The following GLIS3 variants were observed in gnomAD, a reference collection of about 807,000 sequenced individuals.
GLIS3 encodes the protein zinc finger protein GLIS3.
GLIS3 carries 53 observed loss-of-function variants against 78.6 expected under a neutral mutation model. That is an observed-to-expected ratio of 0.67 (90% CI 0.54 to 0.85). The LOEUF (loss-of-function observed/expected upper bound fraction) is 0.85, where lower values mean the gene tolerates loss of function less well. Among genes scored for constraint, GLIS3 ranks in the 40% least tolerant of loss-of-function variants. GLIS3 has a pLI of 0.00. For synonymous variants in GLIS3, 684 were observed against 509.9 expected (o/e 1.34, Z -4.60); for missense variants, 1,703 against 1,231.1 (o/e 1.38, Z -5.74).
intron 2 of GLIS3, among the ~76,000 whole-genome samples, chr9:4,251,499 G>A (rs1454961008): frequency 2.7e-5 from 4 of 146,646 alleles, no homozygotes; most frequent in African/African-American, 7.6e-5. Context: ...GAGCCTATGT[G>A]TGTCTTTGCA....
intron 8 of GLIS3, among the ~76,000 whole-genome samples, chr9:3,874,781 T>G (rs948449478): frequency 3.9e-5 from 6 of 152,150 alleles, no homozygotes; most frequent in African/African-American, 1.4e-4. Flanking sequence ...TATTGTTGAG[T>G]GAGAGAACAG....
In GLIS3 at chr9:4,195,401, C is replaced by T. The variant is rs745338194; in HGVS notation, c.389-69460G>A. Among the ~76,000 whole-genome samples, 4 of 152,196 alleles carry T rather than the reference C, an allele frequency of 2.6e-5. No homozygotes were observed. The South Asian group carries it at 6.2e-4, about 24-fold the overall frequency. ...CGGCCCCACACTCGGAGAGGCCAGC[C>T]GGTGCCACCGGCCCCAGACAGTGAG... On this transcript the variant is annotated intron_variant, in intron 2 of 10. Transcript: ENST00000381971.
the GLIS3 span, among the ~76,000 whole-genome samples, chr9:4,367,996 G>C: frequency 1.3e-5 from 2 of 152,168 alleles, no homozygotes; most frequent in African/African-American, 4.8e-5. Flanking sequence ...TTGCAACCAA[G>C]TGTAATTCCA....
intron 4 of GLIS3, among the ~76,000 whole-genome samples, chr9:4,032,121 G>A (rs976434180): frequency 6.6e-6 from 1 of 152,158 alleles, no homozygotes; most frequent in African/African-American, 2.4e-5. Context: ...CCACCGTCAG[G>A]CAGATCTAAG....
intron 2 of GLIS3, among the ~76,000 whole-genome samples, chr9:4,134,096 A>AT (rs912877354): frequency 2.6e-5 from 4 of 152,108 alleles, no homozygotes; most frequent in African/African-American, 7.2e-5. Flanking sequence ...ACTGAAAGGA[A>AT]TTTTTTTTAA....
intron 4 of GLIS3, among the ~76,000 whole-genome samples, chr9:3,952,431 T>G (rs1224373568): frequency 6.6e-6 from 1 of 152,162 alleles, no homozygotes; most frequent in Non-Finnish European, 1.5e-5. Flanking sequence ...AATTTGCACC[T>G]TCTTTGCACA....
chr9:4,086,293 C>T (rs112214256), intron 4 of GLIS3, among the ~76,000 whole-genome samples: 140 of 152,328 alleles, frequency 9.2e-4, no homozygotes, highest in African/African-American at 3.2e-3. Flanking sequence ...TATGAAACTT[C>T]CCCAACCCCA....
chr9:4,250,977 C>CTG (rs142365467), intron 2 of GLIS3, among the ~76,000 whole-genome samples: 147,143 of 152,128 alleles, frequency 0.97, 71,332 homozygotes, highest in East Asian at 1. Flanking sequence ...GTCTGGGAGA[C>CTG]TTATGATTTC....
rs578095273 is a variant in GLIS3 at position 4,132,819 on chromosome 9, C to G, written c.389-6878G>C. Among the ~76,000 whole-genome samples the G allele has an allele frequency of 3.3e-5, 5 of 152,268 alleles. No individual in the cohort carries two copies. In the South Asian group the frequency reaches 6.2e-4, roughly 19 times the overall value. ...AACCTAACACACACACAAGGTGTTACAGAAACAGAAATATACATATTAGGG... is the reference window on the plus strand; with the variant it reads ...AACCTAACACACACACAAGGTGTTAGAGAAACAGAAATATACATATTAGGG... On this transcript the variant is annotated intron_variant, in intron 2 of 10. Transcript: ENST00000381971.
At chr9:3,912,537 A>C (rs1824224346) in intron 6 of GLIS3, among the ~76,000 whole-genome samples, 1 of 152,212 alleles carries the variant, frequency 6.6e-6, no homozygotes, top group South Asian at 2.1e-4. Context: ...TGGGGAGCTG[A>C]GGTTCAAAAG....
At chr9:4,216,287 A>G (rs1451572305) in intron 2 of GLIS3, among the ~76,000 whole-genome samples, 2 of 151,892 alleles carry the variant, frequency 1.3e-5, no homozygotes, top group Non-Finnish European at 2.9e-5. Flanking sequence ...CCTGGCTAAC[A>G]TGGTGAAACC....
chr9:4,403,075 A>G, the GLIS3 span, among the ~76,000 whole-genome samples: 3 of 152,236 alleles, frequency 2.0e-5, no homozygotes, highest in South Asian at 2.1e-4. Context: ...GCAGCAAGAG[A>G]AAAGACACAA....
intron 4 of GLIS3, among the ~76,000 whole-genome samples, chr9:4,068,565 T>C (rs1461108150): frequency 4.6e-5 from 7 of 152,068 alleles, no homozygotes; most frequent in Non-Finnish European, 7.4e-5. Context: ...TGACCAAGTA[T>C]AACCTGTATA....
At chr9:3,902,701 G>A (rs926523387) in intron 6 of GLIS3, among the ~76,000 whole-genome samples, 1 of 152,052 alleles carries the variant, frequency 6.6e-6, no homozygotes, top group African/African-American at 2.4e-5. Flanking sequence ...TGCTTCTACT[G>A]GTCTTGGGAT....
intron 2 of GLIS3, among the ~76,000 whole-genome samples, chr9:4,238,351 A>C (rs980213580): frequency 6.6e-6 from 1 of 152,138 alleles, no homozygotes; most frequent in African/African-American, 2.4e-5. Flanking sequence ...GGTGGAGAGG[A>C]AGAATATGAC....
rs141532512 is a variant in GLIS3 at position 4,003,629 on chromosome 9, T to A, written c.1711-66440A>T. Among the ~76,000 whole-genome samples, 205 of 152,308 alleles carry A rather than the reference T, an allele frequency of 1.3e-3. 1 individual carries two copies. Among genetic ancestry groups the A allele is most frequent in the African/African-American group, 4.6e-3 (193 of 41,566 alleles). On this transcript the variant is annotated intron_variant, in intron 4 of 10. Coordinates refer to ENST00000381971, the MANE Select transcript of GLIS3 (RefSeq NM_001042413.2). ...TTTTGAGTGTCTCTAAGTCTCTCCA[T>A]CACCATTCTGCACATTTGAATACCA...
intron 2 of GLIS3, among the ~76,000 whole-genome samples, chr9:4,166,104 A>G (rs1452419389): frequency 2.6e-5 from 4 of 152,202 alleles, no homozygotes; most frequent in East Asian, 1.9e-4. Flanking sequence ...CTGCACCTCA[A>G]TTACTCCCTC....
At chr9:4,426,621 A>G in the GLIS3 span, among the ~76,000 whole-genome samples, 1 of 152,248 alleles carries the variant, frequency 6.6e-6, no homozygotes, top group East Asian at 1.9e-4. Context: ...TCTGTTCCAG[A>G]ACATATCACC....
At chr9:4,221,953 C>G (rs917934519) in intron 2 of GLIS3, among the ~76,000 whole-genome samples, 3 of 152,220 alleles carry the variant, frequency 2.0e-5, no homozygotes, top group African/African-American at 7.2e-5. Context: ...ATGTACAGCT[C>G]TGCAAAGCAT....
Sources: gnomAD v4.1 joint callset for allele counts (sites outside exome capture counted in the v4.1 genomes callset) on GRCh38, gnomAD v4.1.1 for gene constraint, MANE v1.5 for transcripts, NCBI Gene and HGNC (gene_info 2026-07-23, HGNC 2026-07-21) for gene names.